IGSF6: variants seen among roughly 807,000 people sequenced by gnomAD.
IGSF6 encodes immunoglobulin superfamily member 6, also known as down-regulated by activation (immunoglobulin superfamily).
IGSF6 carries 23 observed loss-of-function variants against 24.7 expected under a neutral mutation model. That is an observed-to-expected ratio of 0.93 (90% confidence interval 0.67 to 1.32). The LOEUF is 1.32. Ranked by LOEUF, IGSF6 falls within the 40% of genes most tolerant of loss-of-function variation. IGSF6 has a pLI of 0.00. For synonymous variants in IGSF6, 110 were observed against 113.7 expected (o/e 0.97, Z 0.21); for missense variants, 295 against 293.6 (o/e 1.00, Z -0.04).
rs746684864 is a variant in IGSF6, at chr16:21,644,402, T to A, written c.428-6A>T. The A allele has an allele frequency of 6.3e-7, 1 of 1,598,010 alleles. No individual in the cohort carries two copies. Among genetic ancestry groups the A allele is most frequent in the South Asian group, 1.1e-5 (1 of 90,746 alleles). ...CTTGCTGAGCAGCTTAATTTCTTAATGACAAAAACAGAAAGAAGCACATTG... is the reference window on the plus strand; with the variant it reads ...CTTGCTGAGCAGCTTAATTTCTTAAAGACAAAAACAGAAAGAAGCACATTG... On this transcript the variant is annotated splice_region_variant and splice_polypyrimidine_tract_variant and intron_variant, in intron 2 of 5. Coordinates refer to ENST00000268389, the MANE Select transcript of IGSF6 (RefSeq NM_005849.4).
At chr16:21,649,753 G>A (rs1284475293) in intron 1 of IGSF6, among the ~76,000 whole-genome samples, 3 of 152,090 alleles carry the variant, frequency 2.0e-5, no homozygotes, top group Non-Finnish European at 4.4e-5. Context: ...CGCCCAAACT[G>A]GAATGCAGTG....
At position 21,652,519 on chromosome 16, in the gene IGSF6, A is replaced by T. The variant is rs1201382781; in HGVS notation, c.67+13T>A. The T allele has an allele frequency of 5.6e-6, 9 of 1,602,900 alleles. No individual in the cohort carries two copies. On this transcript the variant is annotated intron_variant, in intron 1 of 5. Coordinates refer to ENST00000268389, the MANE Select transcript of IGSF6 (RefSeq NM_005849.4). ...TTAAATAAAATGAAGGAGGAGAAGAAAAAGAACCTTACCGACACAAAATAG... is the reference window on the plus strand; with the variant it reads ...TTAAATAAAATGAAGGAGGAGAAGATAAAGAACCTTACCGACACAAAATAG...
At position 21,652,517 on chromosome 16, in the gene IGSF6, G is replaced by A; in HGVS notation, c.67+15C>T. Reference sequence around the variant, plus strand: ...ATTTAAATAAAATGAAGGAGGAGAAGAAAAAGAACCTTACCGACACAAAAT... The same window carrying A: ...ATTTAAATAAAATGAAGGAGGAGAAAAAAAAGAACCTTACCGACACAAAAT... On this transcript the variant is annotated intron_variant, in intron 1 of 5. Coordinates refer to ENST00000268389, the MANE Select transcript of IGSF6 (RefSeq NM_005849.4). 1 of 1,598,906 alleles carries A rather than the reference G, an allele frequency of 6.3e-7. No homozygotes were observed. The highest frequency in any genetic ancestry group is 8.5e-7 in the Non-Finnish European group (1 of 1,171,176).
chr16:21,645,426 C>T (rs1350932947), intron 2 of IGSF6, among the ~76,000 whole-genome samples: 2 of 152,144 alleles, frequency 1.3e-5, no homozygotes, highest in Non-Finnish European at 2.9e-5. Flanking sequence ...CACGGCACTC[C>T]AGCCCGGGCG....
intron 4 of IGSF6, 105 bp from the exon 5 acceptor site, chr16:21,643,259 C>T: frequency 1.3e-6 from 1 of 794,448 alleles, no homozygotes; most frequent in South Asian, 1.4e-5. Flanking sequence ...GTCCCAAAAA[C>T]TACCCCCTCC....
chr16:21,650,811 A>G (rs897226539), intron 1 of IGSF6, among the ~76,000 whole-genome samples: 1 of 152,200 alleles, frequency 6.6e-6, no homozygotes, highest in African/African-American at 2.4e-5. Flanking sequence ...TCTGTGAATG[A>G]TTTCTTTTAA....
chr16:21,643,526 T>A, intron 4 of IGSF6, 22 bp downstream of exon 4: 1 of 1,497,074 alleles, frequency 6.7e-7, no homozygotes, highest in Non-Finnish European at 9.2e-7. Flanking sequence ...TTAAAAAATA[T>A]TTTTCAAGTG....
intron 3 of IGSF6, among the ~76,000 whole-genome samples, chr16:21,644,060 A>G (rs1966353437): frequency 6.6e-6 from 1 of 152,142 alleles, no homozygotes; most frequent in African/African-American, 2.4e-5. Flanking sequence ...ACTGGGCTTT[A>G]AAGAGAAAAC....
chr16:21,648,671 G>A (rs1363875030), intron 1 of IGSF6, among the ~76,000 whole-genome samples: 3 of 152,184 alleles, frequency 2.0e-5, no homozygotes, highest in Non-Finnish European at 4.4e-5. Context: ...GGAAAGACCC[G>A]CCCTAAACCC....
chr16:21,641,475 A>G lies in IGSF6; in HGVS notation c.*59T>C. ...AAGACCTGATGATATATGTTCATTA[A>G]CACTGCCATAGCTCCTGGAGTTGGA... On this transcript the variant is annotated 3_prime_UTR_variant, in exon 6 of 6. Transcript: ENST00000268389. 2.1e-6 allele frequency: 2 copies of G among 970,112 alleles called. No homozygotes were observed. Among genetic ancestry groups the G allele is most frequent in the Non-Finnish European group, 1.6e-6 (1 of 623,000 alleles). The allele number at this position is 970,112 out of a possible 1,614,324, so 60.1% of individuals were successfully genotyped here.
chr16:21,648,541 C>T (rs954135781), intron 1 of IGSF6, among the ~76,000 whole-genome samples: 2 of 152,196 alleles, frequency 1.3e-5, no homozygotes, highest in Non-Finnish European at 2.9e-5. Context: ...TGGGATTAGT[C>T]ACCCACTCCA....
In IGSF6 at chr16:21,646,170, C is replaced by T. The variant is rs968647565; in HGVS notation, c.427+963G>A. On this transcript the variant is annotated intron_variant, in intron 2 of 5. Transcript: ENST00000268389. ...TCTGAAATTCCCCCTTTTTTTTTCTCGGGAATGTCTTAATCTCAGTTTACT... is the reference window on the plus strand; with the variant it reads ...TCTGAAATTCCCCCTTTTTTTTTCTTGGGAATGTCTTAATCTCAGTTTACT... Among the ~76,000 whole-genome samples, 9 of 145,398 alleles carry T rather than the reference C, an allele frequency of 6.2e-5. No individual in the cohort carries two copies. In the East Asian group the frequency reaches 7.9e-4, roughly 13 times the overall value.
chr16:21,646,699 G>A (rs1020519386), intron 2 of IGSF6: 7 of 254,034 alleles, frequency 2.8e-5, no homozygotes, highest in African/African-American at 1.3e-4. Context: ...TTGTTGCCCA[G>A]ACTGGAGTGC....
At chr16:21,643,675 T>C in intron 3 of IGSF6, 77 bp from the exon 4 acceptor site, 2 of 942,966 alleles carry the variant, frequency 2.1e-6, no homozygotes. Flanking sequence ...CATGCCCTAA[T>C]AAGATTAAAC....
chr16:21,650,261 C>CT (rs925286458), intron 1 of IGSF6, among the ~76,000 whole-genome samples: 5 of 152,086 alleles, frequency 3.3e-5, no homozygotes, highest in Non-Finnish European at 5.9e-5. Context: ...AATCCCAGCA[C>CT]TTTGGGATGC....
chr16:21,641,951 G>A (rs1175987061), intron 5 of IGSF6: 1 of 168,634 alleles, frequency 5.9e-6, no homozygotes, highest in East Asian at 1.7e-4. Context: ...TTAGTAATTA[G>A]ACCACCTATC....
intron 3 of IGSF6, among the ~76,000 whole-genome samples, chr16:21,643,986 C>T (rs914017379): frequency 5.9e-5 from 9 of 152,252 alleles, no homozygotes; most frequent in African/African-American, 2.2e-4. Context: ...CCTCCACCTG[C>T]CCACACCTCA....
rs1966260691 is a variant in IGSF6 at position 21,641,299 on chromosome 16, A to AT, written c.*234dup. On this transcript the variant is annotated 3_prime_UTR_variant, in exon 6 of 6. Coordinates refer to ENST00000268389, the MANE Select transcript of IGSF6 (RefSeq NM_005849.4). The stretch of plus-strand genomic sequence containing the variant: ...ACTCAGGATACAAGTTTAAAATAGA[A>AT]TTTTTTTTCTTGGCAAATTTGGAAG... The AT allele has an allele frequency of 3.2e-5, 11 of 341,846 alleles. No homozygotes were observed. Among genetic ancestry groups the AT allele is most frequent in the Non-Finnish European group, 4.8e-5 (9 of 188,020 alleles). The allele number at this position is 341,846 out of a possible 1,614,324, so 21.2% of individuals were successfully genotyped here. A position where few individuals can be genotyped will look rare whatever the true frequency, so the allele number is the denominator to read the frequency against.
intron 5 of IGSF6, among the ~76,000 whole-genome samples, chr16:21,641,861 C>A (rs1966280766): frequency 6.6e-6 from 1 of 152,098 alleles, no homozygotes; most frequent in Admixed American, 6.6e-5. Context: ...TGCTTTCAGG[C>A]CACATACCTC....
Sources: gnomAD v4.1 joint callset for allele counts (sites outside exome capture counted in the v4.1 genomes callset) on GRCh38, gnomAD v4.1.1 for gene constraint, MANE v1.5 for transcripts, NCBI Gene and HGNC (gene_info 2026-07-23, HGNC 2026-07-21) for gene names.